Variants in PARP11 observed in about 807,000 individuals in gnomAD.
PARP11 encodes the protein protein mono-ADP-ribosyltransferase PARP11.
PARP11 carries 31 observed loss-of-function variants against 42.9 expected under a neutral mutation model. That is an observed-to-expected ratio of 0.72 (90% confidence interval 0.54 to 0.98). The LOEUF is 0.98. PARP11 is among the 50% of genes least tolerant of loss of function. PARP11 has a pLI of 0.00. For missense variants in PARP11, 365 were observed against 413.1 expected, an observed-to-expected ratio of 0.88 and a Z score of 1.01; for synonymous variants, 137 against 127.3, an observed-to-expected ratio of 1.08 and a Z score of -0.51.
intron 4 of PARP11, among the ~76,000 whole-genome samples, chr12:3,825,812 C>T (rs77319296): frequency 0.056 from 8,552 of 152,142 alleles, 467 homozygotes; most frequent in East Asian, 0.17. Flanking sequence ...CTTCAAGCTC[C>T]GCCTCACGGG....
rs185612402 is a variant in PARP11 at position 3,868,615 on chromosome 12, C to T, written c.18+4597G>A. Among the ~76,000 whole-genome samples the T allele has an allele frequency of 4.6e-5, 7 of 152,310 alleles. No homozygotes were observed. In the East Asian group the frequency reaches 1.4e-3, roughly 29 times the overall value. On this transcript the variant is annotated intron_variant, in intron 1 of 7. Transcript: ENST00000228820. ...AACTCCTGTTATCTTCCATATGGCT[C>T]AGTGAAAACATCTTATTCCTGGCTG...
intron 2 of PARP11, 121 bp from the exon 3 acceptor site, chr12:3,829,151 T>C (rs1046069969): frequency 1.0e-6 from 1 of 988,482 alleles, no homozygotes; most frequent in Non-Finnish European, 1.5e-6. Context: ...ACTAATCACC[T>C]GTTCTAGTTC....
intron 1 of PARP11, among the ~76,000 whole-genome samples, chr12:3,836,674 T>C (rs530973623): frequency 6.6e-6 from 1 of 152,316 alleles, no homozygotes; most frequent in East Asian, 1.9e-4. Flanking sequence ...CTTTGCTCCC[T>C]GCCCCCACAG....
At position 3,861,447 on chromosome 12, in the gene PARP11, G is replaced by A. The variant is rs1290876586; in HGVS notation, c.18+11765C>T. Among the ~76,000 whole-genome samples the A allele has an allele frequency of 2.0e-5, 3 of 152,228 alleles. No individual in the cohort carries two copies. Among genetic ancestry groups the A allele is most frequent in the Non-Finnish European group, 4.4e-5 (3 of 67,996 alleles). On this transcript the variant is annotated intron_variant, in intron 1 of 7. Coordinates refer to ENST00000228820, the MANE Select transcript of PARP11 (RefSeq NM_020367.6). This position sits in a 1 kb window ranked among gnomAD's most constrained non-coding sequence, Gnocchi z 4.6. ...ATAATGATGTTGAACATCTTTTCAT[G>A]TTGTTATTTTCCATCTGCTTATCTT...
In PARP11 at chr12:3,840,258, A is replaced by T. The variant is rs1028972982; in HGVS notation, c.19-10240T>A. The T allele has an allele frequency of 1.1e-4, 178 of 1,613,778 alleles. 1 individual carries two copies. In the African/African-American group the frequency reaches 2.0e-3, roughly 18 times the overall value. ...AGAATGGACCAGTTTTGGTTGAAGAACTGGGAAAGTACACATCAAAGAACC... is the reference window on the plus strand; with the variant it reads ...AGAATGGACCAGTTTTGGTTGAAGATCTGGGAAAGTACACATCAAAGAACC... On this transcript the variant is annotated intron_variant, in intron 1 of 7. Transcript: ENST00000228820. This position sits in a 1 kb window ranked among gnomAD's most constrained non-coding sequence, Gnocchi z 4.4.
intron 6 of PARP11, among the ~76,000 whole-genome samples, chr12:3,816,973 C>T (rs949567775): frequency 6.6e-6 from 1 of 152,090 alleles, no homozygotes; most frequent in African/African-American, 2.4e-5. Flanking sequence ...GGGCGGATCA[C>T]GAGGTCAGAA....
chr12:3,836,495 A>C (rs1304050283), intron 1 of PARP11, among the ~76,000 whole-genome samples: 1 of 152,250 alleles, frequency 6.6e-6, no homozygotes, highest in African/African-American at 2.4e-5. Flanking sequence ...TATCAGGCTG[A>C]AATGATACTA....
Position 3,873,192 on chromosome 12 carries a change from C to CGTCCCGCCCG in PARP11, c.18+10_18+19dup. The CGTCCCGCCCG allele has an allele frequency of 6.5e-7, 1 of 1,542,722 alleles. No individual in the cohort carries two copies. The highest frequency in any genetic ancestry group is 8.8e-7 in the Non-Finnish European group (1 of 1,140,666). ...TCAACCCCGCCCCCTGGGCCCGCCC[C>CGTCCCGCCCG]GTCCCGCCCGGCTACTCACTGGATT... On this transcript the variant is annotated intron_variant, in intron 1 of 7. Transcript: ENST00000228820.
intron 1 of PARP11, among the ~76,000 whole-genome samples, chr12:3,854,162 A>G (rs573284550): frequency 1.3e-5 from 2 of 152,368 alleles, no homozygotes; most frequent in East Asian, 1.9e-4. Flanking sequence ...TTACAGCACT[A>G]AATGCCCACA....
At chr12:3,841,202 G>A (rs934610886) in intron 1 of PARP11, 482 of 1,526,828 alleles carry the variant, frequency 3.2e-4, no homozygotes, top group African/African-American at 7.2e-4. Flanking sequence ...AAGGGAGATC[G>A]AGCCATTGTA....
chr12:3,842,118 A>G (rs763776367), intron 1 of PARP11: 187 of 1,610,846 alleles, frequency 1.2e-4, no homozygotes, highest in Non-Finnish European at 1.5e-4. Flanking sequence ...ACTTGAACCT[A>G]AAAGGACCAT....
chr12:3,825,388 C>A (rs1947497713), intron 4 of PARP11, among the ~76,000 whole-genome samples: 1 of 152,160 alleles, frequency 6.6e-6, no homozygotes, highest in Non-Finnish European at 1.5e-5. Flanking sequence ...CCCTATGGCT[C>A]CCTTAGTCTC....
At chr12:3,862,256 T>C (rs921205651) in intron 1 of PARP11, among the ~76,000 whole-genome samples, 1 of 152,054 alleles carries the variant, frequency 6.6e-6, no homozygotes, top group Non-Finnish European at 1.5e-5. Flanking sequence ...AGTTTGAGAC[T>C]AGCCTGGGGA....
intron 4 of PARP11, among the ~76,000 whole-genome samples, chr12:3,823,114 G>A (rs1337706261): frequency 1.3e-5 from 2 of 152,152 alleles, no homozygotes. Flanking sequence ...AGTGATTGGA[G>A]GTTACTAAAT....
Position 3,812,355 on chromosome 12 carries a change from C to T in PARP11, c.785G>A (p.Gly262Asp). The change falls in exon 8 of 8, where the codon GGT becomes GAT. Residue 262 changes from glycine to aspartate, a missense_variant. Physicochemically the swap from Gly to Asp is moderately conservative, Grantham distance 94. Transcript: ENST00000228820. ...CAGATGCCGCTGTTGCAAGCTGACACCATGAATTTGGAATGTGTTCCCATG... is the reference window on the plus strand; with the variant it reads ...CAGATGCCGCTGTTGCAAGCTGACATCATGAATTTGGAATGTGTTCCCATG... Reference protein sequence around the residue: ...IKHGNTFQIHGVSLQQRHLFR... With the variant: ...IKHGNTFQIHDVSLQQRHLFR... 1 of 1,614,140 alleles carries T rather than the reference C, an allele frequency of 6.2e-7. No homozygotes were observed. The highest frequency in any genetic ancestry group is 8.5e-7 in the Non-Finnish European group (1 of 1,179,984).
intron 1 of PARP11, among the ~76,000 whole-genome samples, 165 bp downstream of exon 1, chr12:3,873,047 T>C (rs1480166343): frequency 6.6e-6 from 1 of 152,200 alleles, no homozygotes; most frequent in Non-Finnish European, 1.5e-5. Flanking sequence ...CTTCCACTGC[T>C]TAAAAAGGTA....
intron 1 of PARP11, among the ~76,000 whole-genome samples, chr12:3,854,835 A>G (rs1948164214): frequency 6.6e-6 from 1 of 152,216 alleles, no homozygotes; most frequent in Non-Finnish European, 1.5e-5. Flanking sequence ...AAAAAAAAAG[A>G]GAATTTTAGA....
At chr12:3,867,524 T>C (rs1948413498) in intron 1 of PARP11, among the ~76,000 whole-genome samples, 1 of 152,186 alleles carries the variant, frequency 6.6e-6, no homozygotes, top group Admixed American at 6.5e-5. Flanking sequence ...TATCTAGAAT[T>C]TTAAATAGCG....
rs138202847 is a variant in PARP11 at position 3,862,161 on chromosome 12, C to T, written c.18+11051G>A. 3.2e-3 allele frequency among the ~76,000 whole-genome samples: 480 copies of T among 152,334 alleles called. 1 individual carries two copies. The highest frequency in any genetic ancestry group is 0.011 in the African/African-American group (465 of 41,574). ...GATTTTTCTCAGCCAGGCATAGTGG[C>T]TCATCCCTGTAATCACAGCACTTTG... On this transcript the variant is annotated intron_variant, in intron 1 of 7. Coordinates refer to ENST00000228820, the MANE Select transcript of PARP11 (RefSeq NM_020367.6).
Sources: gnomAD v4.1 joint callset for allele counts (sites outside exome capture counted in the v4.1 genomes callset) on GRCh38, gnomAD v4.1.1 for gene constraint, Gnocchi (gnomAD v3.1) non-coding constraint, MANE v1.5 for transcripts, NCBI Gene and HGNC (gene_info 2026-07-23, HGNC 2026-07-21) for gene names.